Variants in ABCA12 observed in about 807,000 individuals in gnomAD.
ABCA12 encodes the protein ATP binding cassette subfamily A member 12, also known as glucosylceramide transporter ABCA12.
In ABCA12, 156 loss-of-function variants were observed where a neutral mutation model predicts 293.5. The ratio of observed to expected loss-of-function variants is 0.53; its 90% CI spans 0.47 to 0.61. ABCA12 has a LOEUF of 0.61. ABCA12 is among the 20% of genes least tolerant of loss of function. The pLI, the probability that ABCA12 is intolerant of heterozygous loss-of-function variation, is 0.00. For synonymous variants in ABCA12, 1,063 were observed against 1,108.0 expected (o/e 0.96, Z 0.81); for missense variants, 2,797 against 3,090.2 (o/e 0.91, Z 2.25).
At chr2:215,039,487 G>C (rs1233922225) in intron 7 of ABCA12, among the ~76,000 whole-genome samples, 3 of 152,150 alleles carry the variant, frequency 2.0e-5, no homozygotes, top group Admixed American at 6.6e-5. Flanking sequence ...CGGGCGCAGT[G>C]GCTCATGCCT....
At chr2:215,021,431 T>C (rs11884293) in intron 11 of ABCA12, among the ~76,000 whole-genome samples, 151,893 of 152,316 alleles carry the variant, frequency 1, 75,740 homozygotes, top group East Asian at 1. Context: ...TCCTATCCTG[T>C]CAATGATATT....
chr2:214,954,929 C>T (rs972686979), intron 43 of ABCA12, among the ~76,000 whole-genome samples: 4 of 152,158 alleles, frequency 2.6e-5, no homozygotes, highest in African/African-American at 4.8e-5. Flanking sequence ...CCAATGGTTG[C>T]GTGATTTATG....
chr2:215,050,344 T>C (rs1243248173), intron 5 of ABCA12, among the ~76,000 whole-genome samples: 1 of 152,026 alleles, frequency 6.6e-6, no homozygotes, highest in Non-Finnish European at 1.5e-5. Flanking sequence ...GTCTTATATA[T>C]AGAAAGAAAA....
chr2:215,049,869 TA>T, intron 5 of ABCA12, 58 bp from the exon 6 acceptor site: 1 of 1,482,300 alleles, frequency 6.7e-7, no homozygotes, highest in Non-Finnish European at 9.3e-7. Flanking sequence ...GATGTTCAAA[TA>T]TTCTATTCTT....
At chr2:214,944,449 TAGAA>T (rs747679650) in intron 49 of ABCA12, among the ~76,000 whole-genome samples, 1 of 150,828 alleles carries the variant, frequency 6.6e-6, no homozygotes, top group Non-Finnish European at 1.5e-5. Context: ...AAATTTCAAA[TAGAA>T]AGCACAGCCA....
chr2:215,081,441 T>C (rs1346247598), intron 2 of ABCA12, among the ~76,000 whole-genome samples: 3 of 124,504 alleles, frequency 2.4e-5, no homozygotes, highest in Non-Finnish European at 4.7e-5. Flanking sequence ...ATCGTGCCAC[T>C]GCACTCCAGC....
intron 2 of ABCA12, among the ~76,000 whole-genome samples, chr2:215,099,236 C>T (rs2106114922): frequency 6.6e-6 from 1 of 152,320 alleles, no homozygotes. Flanking sequence ...CTGAGGCCTC[C>T]CACCAACTGT....
chr2:215,022,325 C>T (rs915469514), intron 11 of ABCA12: 10 of 152,180 alleles, frequency 6.6e-5, no homozygotes, highest in Non-Finnish European at 1.2e-4. Context: ...TCTAGCCACA[C>T]TGTGGCTAAT....
intron 3 of ABCA12, 27 bp downstream of exon 3, chr2:215,064,039 T>G (rs754551664): frequency 1.9e-6 from 3 of 1,612,198 alleles, no homozygotes; most frequent in Non-Finnish European, 2.5e-6. Flanking sequence ...CTCAGAACAA[T>G]TGAACACACT....
At chr2:214,938,539 C>T (rs1248893214) in intron 50 of ABCA12, among the ~76,000 whole-genome samples, 1 of 152,190 alleles carries the variant, frequency 6.6e-6, no homozygotes, top group East Asian at 1.9e-4. Flanking sequence ...GGAATCGCCA[C>T]ACTGTCTTCC....
At chr2:215,079,634 G>A (rs1024197951) in intron 2 of ABCA12, among the ~76,000 whole-genome samples, 1 of 152,078 alleles carries the variant, frequency 6.6e-6, no homozygotes, top group Non-Finnish European at 1.5e-5. Context: ...CTCTTGTTTT[G>A]TTTCACTCAG....
At chr2:215,117,071 A>G (rs1175615742) in intron 1 of ABCA12, among the ~76,000 whole-genome samples, 3 of 152,242 alleles carry the variant, frequency 2.0e-5, no homozygotes, top group Non-Finnish European at 4.4e-5. Context: ...ACATTAAAGT[A>G]TCTGGGGGTA....
intron 2 of ABCA12, among the ~76,000 whole-genome samples, chr2:215,094,076 G>T (rs182078471): frequency 8.4e-4 from 128 of 152,266 alleles, no homozygotes; most frequent in Middle Eastern, 3.4e-3. Flanking sequence ...TGAACTCATT[G>T]TGTTAACTCA....
chr2:214,997,946 T>C (rs1700070536), intron 22 of ABCA12, 137 bp from the exon 23 acceptor site: 1 of 629,082 alleles, frequency 1.6e-6, no homozygotes, highest in African/African-American at 1.8e-5. Context: ...TAATCGGTAT[T>C]ACCCCATTAT....
chr2:215,068,979 C>G (rs1426362826), intron 2 of ABCA12, among the ~76,000 whole-genome samples: 3 of 152,110 alleles, frequency 2.0e-5, no homozygotes, highest in African/African-American at 7.2e-5. Context: ...AATCATTAGG[C>G]TCCAGAAATA....
At position 214,951,120 on chromosome 2, in the gene ABCA12, T is replaced by C. The variant is rs777499178; in HGVS notation, c.6648-37A>G. On this transcript the variant is annotated intron_variant, in intron 44 of 52. Transcript: ENST00000272895. ...CCCAGTGATTTTACGTCAATGATTT[T>C]GAAATGACAGCATTCAATTTTGACA... 3 of 1,568,696 alleles carry C rather than the reference T, an allele frequency of 1.9e-6. No homozygotes were observed. The East Asian group carries it at 6.7e-5, about 35-fold the overall frequency.
chr2:214,962,427 A>C (rs556575631), intron 39 of ABCA12: 48 of 152,280 alleles, frequency 3.2e-4, no homozygotes, highest in African/African-American at 1.1e-3. Flanking sequence ...TCAATATTTC[A>C]TATAAAGCAT....
At chr2:214,961,165 T>C (rs143772764) in intron 39 of ABCA12, among the ~76,000 whole-genome samples, 5 of 152,194 alleles carry the variant, frequency 3.3e-5, no homozygotes, top group African/African-American at 9.6e-5. Flanking sequence ...GTTAGGGTGA[T>C]GTAGCACTTC....
At chr2:214,996,839 G>A (rs940276) in intron 23 of ABCA12, among the ~76,000 whole-genome samples, 152,209 of 152,336 alleles carry the variant, frequency 1, 76,042 homozygotes, top group Non-Finnish European at 1. Flanking sequence ...CAAGTGGATG[G>A]ACGGGTTCCT....
Sources: gnomAD v4.1 joint callset for allele counts (sites outside exome capture counted in the v4.1 genomes callset) on GRCh38, gnomAD v4.1.1 for gene constraint, MANE v1.5 for transcripts, NCBI Gene and HGNC (gene_info 2026-07-23, HGNC 2026-07-21) for gene names.